Variants in LRRC4C observed in about 807,000 individuals in gnomAD.
The protein encoded by LRRC4C is leucine rich repeat containing 4C, also known as leucine-rich repeat-containing protein 4C.
A neutral mutation model predicts 33.6 loss-of-function variants in LRRC4C; 5 were observed. That is an observed-to-expected ratio of 0.15 (90% CI 0.08 to 0.31). LRRC4C has a LOEUF of 0.31. Ranked by LOEUF, LRRC4C falls within the 10% of genes least tolerant of loss-of-function variation. The pLI, the probability that LRRC4C is intolerant of heterozygous loss-of-function variation, is 1.00. For missense variants in LRRC4C, 560 were observed against 796.7 expected (o/e 0.70, Z 3.58); for synonymous variants, 329 against 302.0 (o/e 1.09, Z -0.93).
At chr11:41,144,888 G>T (rs2135931205) in intron 1 of LRRC4C, among the ~76,000 whole-genome samples, 1 of 152,246 alleles carries the variant, frequency 6.6e-6, no homozygotes, top group Non-Finnish European at 1.5e-5. Flanking sequence ...TTCCTAATAT[G>T]AAACTAGTAC....
chr11:40,591,067 C>A (rs1041537998), intron 3 of LRRC4C, among the ~76,000 whole-genome samples: 21 of 152,128 alleles, frequency 1.4e-4, no homozygotes, highest in Admixed American at 1.2e-3. Context: ...GTGGGCGCCC[C>A]TCCCCCAGCC....
intron 1 of LRRC4C, among the ~76,000 whole-genome samples, chr11:41,231,570 A>T (rs1947796584): frequency 7.2e-6 from 1 of 139,012 alleles, no homozygotes; most frequent in Non-Finnish European, 1.5e-5. Context: ...GAACAATGAG[A>T]ACACTTGGAC....
At chr11:40,861,982 TG>T (rs1222995727) in intron 2 of LRRC4C, among the ~76,000 whole-genome samples, 1 of 152,106 alleles carries the variant, frequency 6.6e-6, no homozygotes, top group African/African-American at 2.4e-5. Flanking sequence ...ACCTCTCCTA[TG>T]GGGGATCACA....
chr11:40,226,701 C>T (rs10837367), intron 5 of LRRC4C, among the ~76,000 whole-genome samples: 116,209 of 152,038 alleles, frequency 0.76, 48,790 homozygotes, highest in East Asian at 0.96. Context: ...TCCTAATAAG[C>T]GCTATGATCC....
chr11:41,186,913 C>T (rs1316683031), intron 1 of LRRC4C, among the ~76,000 whole-genome samples: 1 of 152,128 alleles, frequency 6.6e-6, no homozygotes, highest in Non-Finnish European at 1.5e-5. Flanking sequence ...TAGTATTTTT[C>T]ATTCTAGAAA....
intron 3 of LRRC4C, among the ~76,000 whole-genome samples, chr11:40,451,319 T>G (rs1488838415): frequency 1.4e-5 from 2 of 138,168 alleles, no homozygotes; most frequent in African/African-American, 5.4e-5. Context: ...ATTACCAAAA[T>G]CAGGAATGGA....
intron 3 of LRRC4C, among the ~76,000 whole-genome samples, chr11:40,455,048 T>C (rs918629675): frequency 7.2e-5 from 11 of 152,128 alleles, no homozygotes; most frequent in African/African-American, 2.7e-4. Context: ...TCATCTGTCA[T>C]GTATGTCACA....
At chr11:41,262,001 C>A (rs754629061) in intron 1 of LRRC4C, among the ~76,000 whole-genome samples, 3 of 151,946 alleles carry the variant, frequency 2.0e-5, no homozygotes, top group Non-Finnish European at 4.4e-5. Flanking sequence ...CAATAGATAA[C>A]ACCCAAAGGT....
intron 2 of LRRC4C, among the ~76,000 whole-genome samples, chr11:40,761,296 G>A (rs1262207854): frequency 6.6e-6 from 1 of 152,084 alleles, no homozygotes; most frequent in Non-Finnish European, 1.5e-5. Flanking sequence ...AACTATAACA[G>A]CATCATACTT....
chr11:41,403,774 T>C (rs531311177), intron 1 of LRRC4C, among the ~76,000 whole-genome samples: 1 of 152,238 alleles, frequency 6.6e-6, no homozygotes, highest in Admixed American at 6.5e-5. Context: ...TTGGGAACAG[T>C]GTCACTATCA....
intron 1 of LRRC4C, among the ~76,000 whole-genome samples, chr11:40,995,669 G>A (rs1242856618): frequency 1.3e-5 from 2 of 152,110 alleles, no homozygotes; most frequent in Non-Finnish European, 2.9e-5. Flanking sequence ...AGACTAGGGA[G>A]TATCATATGT....
At chr11:41,122,734 G>A (rs1942505349) in intron 1 of LRRC4C, among the ~76,000 whole-genome samples, 1 of 151,970 alleles carries the variant, frequency 6.6e-6, no homozygotes, top group Admixed American at 6.6e-5. Context: ...ATCTAACAAT[G>A]TGTATCATCA....
intron 1 of LRRC4C, among the ~76,000 whole-genome samples, chr11:41,093,427 T>A (rs974220970): frequency 1.3e-5 from 2 of 152,232 alleles, no homozygotes; most frequent in Admixed American, 1.3e-4. Context: ...AGCACACAAA[T>A]TCAGAAATTG....
chr11:40,819,262 G>T (rs1431497628), intron 2 of LRRC4C, among the ~76,000 whole-genome samples: 1 of 152,004 alleles, frequency 6.6e-6, no homozygotes, highest in African/African-American at 2.4e-5. Flanking sequence ...CAACTACACA[G>T]AATTGATGAA....
chr11:40,345,389 A>G (rs927076105), intron 3 of LRRC4C, among the ~76,000 whole-genome samples: 7 of 152,164 alleles, frequency 4.6e-5, no homozygotes, highest in African/African-American at 1.7e-4. Flanking sequence ...CACAGAAATA[A>G]TGCCATATTC....
At chr11:41,031,302 T>G (rs1856716285) in intron 1 of LRRC4C, among the ~76,000 whole-genome samples, 1 of 151,978 alleles carries the variant, frequency 6.6e-6, no homozygotes, top group South Asian at 2.1e-4. Flanking sequence ...TATAGACTCT[T>G]AGGGCTGTGC....
intron 5 of LRRC4C, among the ~76,000 whole-genome samples, chr11:40,143,867 C>A (rs986936396): frequency 1.3e-5 from 2 of 152,068 alleles, no homozygotes; most frequent in African/African-American, 4.8e-5. Context: ...TGATGAATCT[C>A]CAAAAGTAGC....
intron 2 of LRRC4C, among the ~76,000 whole-genome samples, chr11:40,824,237 C>T (rs1389629168): frequency 6.6e-6 from 1 of 151,752 alleles, no homozygotes; most frequent in Non-Finnish European, 1.5e-5. Flanking sequence ...CAATTTCATA[C>T]ATTTAGAAAA....
intron 1 of LRRC4C, among the ~76,000 whole-genome samples, chr11:41,319,150 G>A (rs1950881164): frequency 6.6e-6 from 1 of 152,096 alleles, no homozygotes. Context: ...GCCACATGAT[G>A]CCACATGGAT....
Sources: allele counts gnomAD v4.1 joint callset (sites outside exome capture counted in the v4.1 genomes callset), GRCh38; gene constraint gnomAD v4.1.1; transcripts MANE v1.5; gene names NCBI Gene and HGNC (gene_info 2026-07-23, HGNC 2026-07-21).